GLIS3: variants seen among roughly 807,000 people sequenced by gnomAD.
GLIS3 encodes the protein zinc finger protein GLIS3.
In GLIS3, 53 loss-of-function variants were observed where a neutral mutation model predicts 78.6. That is an observed-to-expected ratio of 0.67 (90% CI 0.54 to 0.85). The LOEUF (loss-of-function observed/expected upper bound fraction) is 0.85. Ranked by LOEUF, GLIS3 falls within the 40% of genes least tolerant of loss-of-function variation. The probability of loss-of-function intolerance (pLI) is 0.00; values close to 1 mark genes in which losing one functional copy is unlikely to be tolerated. For missense variants in GLIS3, 1,703 were observed against 1,231.1 expected (o/e 1.38, Z -5.74); for synonymous variants, 684 against 509.9 (o/e 1.34, Z -4.60).
the GLIS3 span, among the ~76,000 whole-genome samples, chr9:4,415,960 C>T: frequency 6.6e-6 from 1 of 151,362 alleles, no homozygotes; most frequent in Middle Eastern, 3.2e-3. Context: ...TGAATATATA[C>T]TGCCATTTTA....
chr9:4,031,758 G>A (rs1205652904), intron 4 of GLIS3, among the ~76,000 whole-genome samples: 1 of 152,196 alleles, frequency 6.6e-6, no homozygotes, highest in Non-Finnish European at 1.5e-5. Context: ...TAAAGGTGAT[G>A]ATGGAACAGT....
intron 4 of GLIS3, among the ~76,000 whole-genome samples, chr9:4,028,611 C>T (rs563749916): frequency 1.3e-5 from 2 of 152,220 alleles, no homozygotes; most frequent in Admixed American, 6.5e-5. Flanking sequence ...AAACAATAGC[C>T]TTCCAGGAGC....
chr9:4,008,652 A>G (rs1045612790), intron 4 of GLIS3, among the ~76,000 whole-genome samples: 1 of 152,096 alleles, frequency 6.6e-6, no homozygotes, highest in African/African-American at 2.4e-5. Flanking sequence ...ACTGTGAGCA[A>G]CTCACAAAGT....
At chr9:4,309,750 A>G (rs909216929) in intron 3 of GLIS3, among the ~76,000 whole-genome samples, 3 of 149,338 alleles carry the variant, frequency 2.0e-5, no homozygotes, top group Non-Finnish European at 4.5e-5. Context: ...CAGTTGGCCT[A>G]TTTTTTTTTT....
intron 4 of GLIS3, among the ~76,000 whole-genome samples, chr9:4,002,337 G>A (rs553611029): frequency 4.6e-5 from 7 of 152,186 alleles, no homozygotes; most frequent in Admixed American, 2.6e-4. Context: ...ATTCATTTCC[G>A]ACTCCTGATC....
chr9:4,093,283 T>C (rs912625271), intron 4 of GLIS3, among the ~76,000 whole-genome samples: 2 of 150,736 alleles, frequency 1.3e-5, no homozygotes, highest in African/African-American at 4.9e-5. Flanking sequence ...AAAGTTAATA[T>C]AATGAATGAA....
At chr9:4,006,151 T>C (rs1020396644) in intron 4 of GLIS3, among the ~76,000 whole-genome samples, 1 of 152,134 alleles carries the variant, frequency 6.6e-6, no homozygotes, top group African/African-American at 2.4e-5. Context: ...TTTGGGAGAA[T>C]GCATGTTTTC....
At chr9:4,368,652 G>C in the GLIS3 span, among the ~76,000 whole-genome samples, 2 of 152,154 alleles carry the variant, frequency 1.3e-5, no homozygotes, top group Non-Finnish European at 2.9e-5. Flanking sequence ...CGCCCGGCCT[G>C]CACAAGACCC....
intron 5 of GLIS3, among the ~76,000 whole-genome samples, chr9:3,935,443 T>C (rs1284646157): frequency 6.6e-6 from 1 of 152,200 alleles, no homozygotes; most frequent in Admixed American, 6.5e-5. Context: ...AAAAGATATA[T>C]ATTTTTATTC....
chr9:4,399,959 G>T, the GLIS3 span, among the ~76,000 whole-genome samples: 1 of 152,212 alleles, frequency 6.6e-6, no homozygotes, highest in Non-Finnish European at 1.5e-5. Context: ...GGTTGGAGCA[G>T]AAATAGGAGG....
chr9:4,234,618 A>G (rs1368026843), intron 2 of GLIS3, among the ~76,000 whole-genome samples: 1 of 152,242 alleles, frequency 6.6e-6, no homozygotes, highest in East Asian at 1.9e-4. Context: ...AGAATTATCA[A>G]AATGTGACAC....
At chr9:4,201,957 G>A (rs971016448) in intron 2 of GLIS3, among the ~76,000 whole-genome samples, 2 of 152,002 alleles carry the variant, frequency 1.3e-5, no homozygotes, top group African/African-American at 4.8e-5. Context: ...CCAGTGTATA[G>A]TGAAACCCCA....
chr9:4,367,222 G>C, the GLIS3 span, among the ~76,000 whole-genome samples: 1 of 152,132 alleles, frequency 6.6e-6, no homozygotes, highest in South Asian at 2.1e-4. Context: ...CCACTCTCCA[G>C]CTTCATCAGT....
At chr9:3,934,584 T>G (rs1418316068) in intron 5 of GLIS3, among the ~76,000 whole-genome samples, 1 of 152,140 alleles carries the variant, frequency 6.6e-6, no homozygotes, top group Non-Finnish European at 1.5e-5. Flanking sequence ...TGATTTTGTA[T>G]TTTTAGTAGA....
At chr9:4,247,942 A>G (rs987327042) in intron 2 of GLIS3, among the ~76,000 whole-genome samples, 1 of 152,190 alleles carries the variant, frequency 6.6e-6, no homozygotes, top group Non-Finnish European at 1.5e-5. Flanking sequence ...AATATACAAC[A>G]TATTATTGAT....
chr9:3,854,252 T>G lies in GLIS3; in HGVS notation c.2473+1757A>C, dbSNP rs116669156. Among the ~76,000 whole-genome samples the G allele has an allele frequency of 8.8e-3, 1,341 of 152,304 alleles. 21 individuals are homozygous for G. Among genetic ancestry groups the G allele is most frequent in the African/African-American group, 0.03 (1,237 of 41,568 alleles). ...TTGCATGCCTTGATGCCTTGTCTTG[T>G]GCACAGTAGGTACTCAAGAAGTATT... is the stretch of plus-strand genomic sequence containing the variant. On this transcript the variant is annotated intron_variant, in intron 9 of 10. Transcript: ENST00000381971.
In GLIS3 at chr9:3,991,683, A is replaced by AATTTTTTTTTTTTTTTTTTTTTTTT. The variant is rs1265317427; in HGVS notation, c.1711-54495_1711-54494insAAAAAAAAAAAAAAAAAAAAAAAAT. 3.6e-4 allele frequency among the ~76,000 whole-genome samples: 32 copies of AATTTTTTTTTTTTTTTTTTTTTTTT among 87,906 alleles called. 2 individuals carry two copies. Among genetic ancestry groups the AATTTTTTTTTTTTTTTTTTTTTTTT allele is most frequent in the East Asian group, 1.7e-3 (5 of 2,926 alleles). 57.7% of individuals were successfully genotyped at this position (87,906 alleles called of 152,430 possible). A position where few individuals can be genotyped will look rare whatever the true frequency, so the allele number is the denominator to read the frequency against. On this transcript the variant is annotated intron_variant, in intron 4 of 10. Coordinates refer to ENST00000381971, the MANE Select transcript of GLIS3 (RefSeq NM_001042413.2). ...GTTCAGAATTTCATTAAGTAGGCTG[A>AATTTTTTTTTTTTTTTTTTTTTTTT]TTTTTTTTTTTTTTTTTTTTTTTTT...
intron 4 of GLIS3, among the ~76,000 whole-genome samples, chr9:4,078,394 C>T (rs1056445505): frequency 1.8e-4 from 26 of 140,924 alleles, no homozygotes; most frequent in Middle Eastern, 3.5e-3. Context: ...AGGGGTTTGT[C>T]TGACAATTTC....
the GLIS3 span, among the ~76,000 whole-genome samples, chr9:4,360,399 C>A: frequency 6.6e-6 from 1 of 152,172 alleles, no homozygotes; most frequent in Non-Finnish European, 1.5e-5. Flanking sequence ...GGAAAATCAT[C>A]CCCACCAGCT....
Sources: allele counts gnomAD v4.1 joint callset (sites outside exome capture counted in the v4.1 genomes callset), GRCh38; gene constraint gnomAD v4.1.1; transcripts MANE v1.5; gene names NCBI Gene and HGNC (gene_info 2026-07-23, HGNC 2026-07-21).